SRCIN1: variants seen among roughly 807,000 people sequenced by gnomAD.
The protein encoded by SRCIN1 is P130Cas-associated protein.
A neutral mutation model predicts 116.2 loss-of-function variants in SRCIN1; 50 were observed. The ratio of observed to expected loss-of-function variants is 0.43; its 90% CI spans 0.34 to 0.54. SRCIN1 has a LOEUF of 0.54. SRCIN1 is among the 20% of genes least tolerant of loss of function. The pLI, the probability that SRCIN1 is intolerant of heterozygous loss-of-function variation, is 0.02. For missense variants in SRCIN1, 1,446 were observed against 1,672.0 expected, an observed-to-expected ratio of 0.86 and a Z score of 2.36; for synonymous variants, 736 against 750.0, an observed-to-expected ratio of 0.98 and a Z score of 0.30.
At position 38,568,822 on chromosome 17, in the gene SRCIN1, T is replaced by A. The variant is rs1046601126; in HGVS notation, c.325-591A>T. Among the ~76,000 whole-genome samples the A allele has an allele frequency of 2.0e-5, 3 of 151,770 alleles. No individual in the cohort carries two copies. Among genetic ancestry groups the A allele is most frequent in the African/African-American group, 4.8e-5 (2 of 41,294 alleles). ...AGTGGTCATAACTGCTGAGAGAAAG[T>A]ATTTAGACTTAACTGGGTGGACAAG... is the stretch of plus-strand genomic sequence containing the variant. On this transcript the variant is annotated intron_variant, in intron 2 of 18. Coordinates refer to ENST00000617146, the MANE Select transcript of SRCIN1 (RefSeq NM_025248.3). This position sits in a 1 kb window ranked among gnomAD's most constrained non-coding sequence, Gnocchi z 4.5.
At chr17:38,580,079 G>A (rs1907698432) in intron 1 of SRCIN1, among the ~76,000 whole-genome samples, 1 of 152,128 alleles carries the variant, frequency 6.6e-6, no homozygotes, top group South Asian at 2.1e-4. Flanking sequence ...TGACTCATAG[G>A]GCTCCTCCAA....
chr17:38,606,594 C>A (rs1012204433), upstream of SRCIN1, among the ~76,000 whole-genome samples: 4 of 152,206 alleles, frequency 2.6e-5, no homozygotes, highest in East Asian at 7.7e-4. The surrounding 1 kb of genome is among the most constrained non-coding windows in gnomAD (Gnocchi z 5.2). Flanking sequence ...CAGGCAGGTC[C>A]GCGCCCCTCC....
chr17:38,561,985 T>A lies in SRCIN1; in HGVS notation c.1178A>T (p.Glu393Val). 1 of 1,492,812 alleles carries A rather than the reference T, an allele frequency of 6.7e-7. No homozygotes were observed. The highest frequency in any genetic ancestry group is 2.8e-5 in the East Asian group (1 of 35,534). The allele number at this position is 1,492,812 out of a possible 1,614,324, so 92.5% of individuals were successfully genotyped here. A position where few individuals can be genotyped will look rare whatever the true frequency, so the allele number is the denominator to read the frequency against. Residue 393 changes from glutamate to valine, a missense_variant, in exon 7 of 19, where the codon GAG becomes GTG. By Grantham distance (121) the Glu-to-Val change is moderately radical. Transcript: ENST00000617146. ...KAGGMVLVKG[E>V]GLYADPYGLL... is the part of the protein sequence containing the mutation. ...CCCGTAGGGGTCAGCATAGAGGCCCTCGCCTTTCACCAGCACCATGCCGCC... is the reference window on the plus strand; with the variant it reads ...CCCGTAGGGGTCAGCATAGAGGCCCACGCCTTTCACCAGCACCATGCCGCC...
rs1177935526 is a variant in SRCIN1, at chr17:38,563,490, A to G, written c.573T>C (p.Thr191=). 3.7e-5 allele frequency: 58 copies of G among 1,553,288 alleles called. No homozygotes were observed. The highest frequency in any genetic ancestry group is 4.9e-5 in the Non-Finnish European group (56 of 1,148,240). ...CCTCGTGCGTGATGTGCACGCGCCGAGTCTCCTCCCCGAACTGCAGGAACA... is the reference window on the plus strand; with the variant it reads ...CCTCGTGCGTGATGTGCACGCGCCGGGTCTCCTCCCCGAACTGCAGGAACA... ...GVLFLQFGEE[T]RRVHITHEVS... is the part of the protein sequence containing the mutation. Residue 191 remains threonine (T), a synonymous_variant, in exon 5 of 19, where the codon ACT becomes ACC. Transcript: ENST00000617146. This position sits in a 1 kb window ranked among gnomAD's most constrained non-coding sequence, Gnocchi z 5.8.
At chr17:38,599,470 G>A (rs1425629792) in intron 1 of SRCIN1, among the ~76,000 whole-genome samples, 1 of 152,134 alleles carries the variant, frequency 6.6e-6, no homozygotes, top group African/African-American at 2.4e-5. Context: ...GAAAGGTCAC[G>A]CTGACCAGTC....
chr17:38,564,479 G>A (rs1400514484), intron 3 of SRCIN1, among the ~76,000 whole-genome samples, 166 bp from the exon 4 acceptor site: 2 of 151,976 alleles, frequency 1.3e-5, no homozygotes, highest in African/African-American at 4.8e-5. Flanking sequence ...CCACAAGAGA[G>A]TTCCCCAGTC....
At chr17:38,583,426 A>G (rs1196889134) in intron 1 of SRCIN1, among the ~76,000 whole-genome samples, 1 of 152,144 alleles carries the variant, frequency 6.6e-6, no homozygotes, top group Non-Finnish European at 1.5e-5. Flanking sequence ...TCCCTCTCTG[A>G]GCCTAAGAAC....
intron 1 of SRCIN1, among the ~76,000 whole-genome samples, chr17:38,590,264 C>A (rs571140786): frequency 7.6e-4 from 116 of 152,300 alleles, no homozygotes; most frequent in African/African-American, 2.7e-3. Context: ...TTGAGACAGT[C>A]CTGCTCTGTC....
At chr17:38,598,699 G>A (rs763948136) in intron 1 of SRCIN1, among the ~76,000 whole-genome samples, 3 of 152,194 alleles carry the variant, frequency 2.0e-5, no homozygotes, top group African/African-American at 7.2e-5. Context: ...AGGACATGCA[G>A]GCAACCGAGG....
intron 11 of SRCIN1, among the ~76,000 whole-genome samples, chr17:38,554,132 AC>A (rs1905629574): frequency 6.6e-6 from 1 of 151,220 alleles, no homozygotes; most frequent in Admixed American, 6.6e-5. Context: ...AATCGCTTGA[AC>A]CCAGGAGGCG....
rs551209384 is a variant in SRCIN1, at chr17:38,585,122, C to T, written c.23-6331G>A. On this transcript the variant is annotated intron_variant, in intron 1 of 18. Transcript: ENST00000617146. The surrounding 1 kb of genome is among the most constrained non-coding windows in gnomAD (Gnocchi z 4.2). Reference sequence around the variant, plus strand: ...CAGGGGTAGGAGCTGGGTTATAGCCCTGGCAGGAAGCGAGGGCAGGAGGCA... The same window carrying T: ...CAGGGGTAGGAGCTGGGTTATAGCCTTGGCAGGAAGCGAGGGCAGGAGGCA... Among the ~76,000 whole-genome samples, 6 of 152,296 alleles carry T rather than the reference C, an allele frequency of 3.9e-5. No homozygotes were observed. In the South Asian group the frequency reaches 1.2e-3, roughly 32 times the overall value.
At chr17:38,566,283 T>G (rs1906676399) in intron 3 of SRCIN1, among the ~76,000 whole-genome samples, 1 of 152,066 alleles carries the variant, frequency 6.6e-6, no homozygotes, top group Admixed American at 6.6e-5. Context: ...GGAGAAGAGA[T>G]GCCCACGTTC....
rs542016015 is a variant in SRCIN1, at chr17:38,550,879, G to A, written c.2962+276C>T. On this transcript the variant is annotated intron_variant, in intron 15 of 18. Transcript: ENST00000617146. Reference sequence around the variant, plus strand: ...TTTGGGGCATGTGCCCAGCCAAGCCGTGGAGGCGGATGACTCTGCCTGGAC... The same window carrying A: ...TTTGGGGCATGTGCCCAGCCAAGCCATGGAGGCGGATGACTCTGCCTGGAC... Among the ~76,000 whole-genome samples the A allele has an allele frequency of 7.2e-5, 11 of 152,368 alleles. No individual in the cohort carries two copies. In the South Asian group the frequency reaches 1.4e-3, roughly 20 times the overall value.
intron 18 of SRCIN1, among the ~76,000 whole-genome samples, chr17:38,540,712 G>A (rs1904677540): frequency 6.6e-6 from 1 of 151,994 alleles, no homozygotes; most frequent in Admixed American, 6.5e-5. Context: ...TCTGCCAGGG[G>A]CCGGGGCAGG....
intron 1 of SRCIN1, among the ~76,000 whole-genome samples, chr17:38,599,135 A>G (rs978407837): frequency 1.8e-4 from 28 of 151,982 alleles, no homozygotes; most frequent in African/African-American, 6.3e-4. Context: ...CTCAAGGGAG[A>G]GGAGGTAGAG....
intron 1 of SRCIN1, among the ~76,000 whole-genome samples, chr17:38,586,161 G>A (rs1455919720): frequency 1.3e-5 from 2 of 152,324 alleles, no homozygotes; most frequent in South Asian, 2.1e-4. Context: ...ACTAGGGCAG[G>A]GCACTAGGGA....
chr17:38,535,584 A>C (rs1441050760), intron 18 of SRCIN1, among the ~76,000 whole-genome samples: 3 of 152,106 alleles, frequency 2.0e-5, no homozygotes, highest in Non-Finnish European at 4.4e-5. Context: ...GCCCAGCCAC[A>C]GGGTCGTCAG....
intron 2 of SRCIN1, among the ~76,000 whole-genome samples, chr17:38,570,058 C>A (rs1906977121): frequency 6.6e-6 from 1 of 152,172 alleles, no homozygotes; most frequent in South Asian, 2.1e-4. Context: ...ACCCACAGCG[C>A]CCCGCAACAC....
intron 1 of SRCIN1, among the ~76,000 whole-genome samples, chr17:38,589,075 C>T (rs1159320849): frequency 2.0e-5 from 3 of 152,244 alleles, no homozygotes; most frequent in African/African-American, 4.8e-5. Context: ...TCGGCATGCG[C>T]CTGGCTGCCC....
Sources: gnomAD v4.1 joint callset for allele counts (sites outside exome capture counted in the v4.1 genomes callset) on GRCh38, gnomAD v4.1.1 for gene constraint, Gnocchi (gnomAD v3.1) non-coding constraint, MANE v1.5 for transcripts, NCBI Gene and HGNC (gene_info 2026-07-23, HGNC 2026-07-21) for gene names.